Variants in NR3C2 observed in about 807,000 individuals in gnomAD.
NR3C2 encodes the protein mineralocorticoid receptor.
In NR3C2, 15 loss-of-function variants were observed where a neutral mutation model predicts 86.4. The ratio of observed to expected loss-of-function variants is 0.17; its 90% CI spans 0.12 to 0.27. The LOEUF (loss-of-function observed/expected upper bound fraction) is 0.27, where lower values mean the gene tolerates loss of function less well. Among genes scored for constraint, NR3C2 ranks in the 10% least tolerant of loss-of-function variants. The pLI is 1.00. For missense variants in NR3C2, 960 were observed against 1,195.6 expected (o/e 0.80, Z 2.91); for synonymous variants, 458 against 450.5 (o/e 1.02, Z -0.21).
upstream of NR3C2, chr4:148,442,518 T>G (rs1750405549): frequency 4.9e-6 from 2 of 407,160 alleles, no homozygotes; most frequent in African/African-American, 2.2e-5. Context: ...GGCTGGCCCT[T>G]TTAAAAGCGG....
Position 148,435,448 on chromosome 4 carries a change from T to C in NR3C2, c.1413A>G (p.Gly471=). 6.2e-7 allele frequency: 1 copy of C among 1,614,060 alleles called. No homozygotes were observed. The highest frequency in any genetic ancestry group is 8.5e-7 in the Non-Finnish European group (1 of 1,180,016). ...AGCCGGGCACAGGTGGTCCTAAAAT[T>C]CCTGATAGGGAATAATAGTCTTTAT... ...MDDKDYYSLS[G]ILGPPVPGFD... is the part of the protein sequence containing the mutation. Residue 471 remains glycine (G), a synonymous_variant, in exon 2 of 9, where the codon GGA becomes GGG. Coordinates refer to ENST00000358102, the MANE Select transcript of NR3C2 (RefSeq NM_000901.5).
At chr4:148,413,194 G>A (rs1002809550) in intron 2 of NR3C2, among the ~76,000 whole-genome samples, 5 of 152,052 alleles carry the variant, frequency 3.3e-5, no homozygotes, top group African/African-American at 1.2e-4. Context: ...TAAGTCACAG[G>A]GTATAACTGT....
chr4:148,283,254 A>T (rs1008339070), intron 2 of NR3C2, among the ~76,000 whole-genome samples: 1 of 152,200 alleles, frequency 6.6e-6, no homozygotes, highest in Non-Finnish European at 1.5e-5. Context: ...CAGAGAACTG[A>T]ATGGATCAGG....
At chr4:148,333,331 A>C (rs1035503594) in intron 2 of NR3C2, among the ~76,000 whole-genome samples, 41 of 152,170 alleles carry the variant, frequency 2.7e-4, no homozygotes, top group Non-Finnish European at 5.1e-4. Context: ...TTTTTGTATC[A>C]TCAACTGATC....
intron 1 of NR3C2, among the ~76,000 whole-genome samples, chr4:148,440,309 T>C (rs995910188): frequency 1.3e-5 from 2 of 152,246 alleles, no homozygotes; most frequent in East Asian, 1.9e-4. Flanking sequence ...TACTATGTCA[T>C]CCAGGAAGCA....
At chr4:148,353,585 T>C (rs1745405544) in intron 2 of NR3C2, among the ~76,000 whole-genome samples, 1 of 152,144 alleles carries the variant, frequency 6.6e-6, no homozygotes, top group African/African-American at 2.4e-5. Flanking sequence ...TAGACAGGTA[T>C]AGAGGAGTGA....
chr4:148,088,110 A>C (rs989704948), intron 8 of NR3C2, among the ~76,000 whole-genome samples: 4 of 152,252 alleles, frequency 2.6e-5, no homozygotes, highest in African/African-American at 9.6e-5. Context: ...ATTTGGAAAA[A>C]AGCTCATCAT....
chr4:148,106,415 T>C (rs921702148), intron 8 of NR3C2, among the ~76,000 whole-genome samples: 1 of 152,124 alleles, frequency 6.6e-6, no homozygotes, highest in African/African-American at 2.4e-5. Context: ...GAAGAACCAA[T>C]ATTGTGAAAA....
chr4:148,168,641 T>C (rs1332321634), intron 4 of NR3C2, among the ~76,000 whole-genome samples: 1 of 152,244 alleles, frequency 6.6e-6, no homozygotes, highest in Non-Finnish European at 1.5e-5. Context: ...GTGAAAATTA[T>C]GAGGGGAAGG....
Position 148,212,430 on chromosome 4 carries a change from C to T in NR3C2, c.1898-17568G>A, listed in dbSNP as rs115663732. On this transcript the variant is annotated intron_variant, in intron 3 of 8. Transcript: ENST00000358102. ...GAGCTACCCTCAGCAGTGTAGTCCT[C>T]TTGTTTAGCAACAGGCTAGTGCCTG... 8.0e-3 allele frequency among the ~76,000 whole-genome samples: 1,220 copies of T among 152,352 alleles called. 12 individuals are homozygous for T. The highest frequency in any genetic ancestry group is 0.028 in the African/African-American group (1,159 of 41,578).
chr4:148,254,047 C>G (rs1031915029), intron 3 of NR3C2, among the ~76,000 whole-genome samples: 14 of 152,052 alleles, frequency 9.2e-5, no homozygotes, highest in Admixed American at 8.5e-4. Flanking sequence ...CAATATAGAG[C>G]TGTCCATGCT....
chr4:148,255,387 G>GTA (rs1739783172), intron 3 of NR3C2, among the ~76,000 whole-genome samples: 6 of 152,154 alleles, frequency 3.9e-5, no homozygotes, highest in Non-Finnish European at 5.9e-5. Flanking sequence ...CACAGGCTTG[G>GTA]CTGTCTGAAA....
chr4:148,154,603 G>A lies in NR3C2; in HGVS notation c.2313C>T (p.Arg771=), dbSNP rs1351376740. 1.2e-6 allele frequency: 2 copies of A among 1,614,070 alleles called. No individual in the cohort carries two copies. Among genetic ancestry groups the A allele is most frequent in the East Asian group, 2.2e-5 (1 of 44,886 alleles). Residue 771 remains arginine (R), a synonymous_variant, in exon 5 of 9, where the codon CGC becomes CGT. Transcript: ENST00000358102. Reference sequence around the variant, plus strand: ...CTTGGATCATCTGTTTGCCTGCTAAGCGGTTGAGCGTGGAGAGCAGATTTT... The same window carrying A: ...CTTGGATCATCTGTTTGCCTGCTAAACGGTTGAGCGTGGAGAGCAGATTTT... The part of the protein sequence containing the change: ...TAENLLSTLN[R]LAGKQMIQVV...
At chr4:148,112,659 G>A (rs1477348840) in intron 8 of NR3C2, among the ~76,000 whole-genome samples, 1 of 152,156 alleles carries the variant, frequency 6.6e-6, no homozygotes, top group Non-Finnish European at 1.5e-5. Flanking sequence ...TTCGCCTTGT[G>A]GGAATTTGAC....
intron 3 of NR3C2, among the ~76,000 whole-genome samples, chr4:148,230,770 G>A (rs554288836): frequency 1.3e-5 from 2 of 152,132 alleles, no homozygotes; most frequent in Non-Finnish European, 2.9e-5. Flanking sequence ...AAGAGTAAGC[G>A]GAAGTTCAAG....
intron 7 of NR3C2, 70 bp from the exon 8 acceptor site, chr4:148,114,331 T>G: frequency 1.3e-6 from 2 of 1,537,064 alleles, no homozygotes; most frequent in South Asian, 1.1e-5. Context: ...GCAGGTAAAG[T>G]CATATACTGA....
chr4:148,388,602 TCAGA>T (rs1561079105), intron 2 of NR3C2, among the ~76,000 whole-genome samples: 1 of 152,144 alleles, frequency 6.6e-6, no homozygotes, highest in African/African-American at 2.4e-5. Flanking sequence ...ACATATAAAA[TCAGA>T]CAGAAAATTT....
intron 3 of NR3C2, among the ~76,000 whole-genome samples, chr4:148,229,049 G>A (rs148336145): frequency 1.3e-3 from 198 of 152,296 alleles, no homozygotes; most frequent in Admixed American, 3.0e-3. Context: ...AGGCAACTGA[G>A]CAAAGACACA....
chr4:148,298,872 T>C (rs1742190774), intron 2 of NR3C2, among the ~76,000 whole-genome samples: 1 of 152,226 alleles, frequency 6.6e-6, no homozygotes, highest in Non-Finnish European at 1.5e-5. Context: ...TAATTTACCA[T>C]TGATAGATGC....
Sources: gnomAD v4.1 joint callset for allele counts (sites outside exome capture counted in the v4.1 genomes callset) on GRCh38, gnomAD v4.1.1 for gene constraint, MANE v1.5 for transcripts, NCBI Gene and HGNC (gene_info 2026-07-23, HGNC 2026-07-21) for gene names.